The following FOCAD variants were observed in gnomAD, a reference collection of about 807,000 sequenced individuals.
The protein encoded by FOCAD is focadhesin, also known as KIAA1797.
FOCAD carries 198 observed loss-of-function variants against 225.6 expected under a neutral mutation model. The ratio of observed to expected loss-of-function variants is 0.88; its 90% CI spans 0.78 to 0.99. FOCAD has a LOEUF of 0.99. FOCAD is among the 50% of genes least tolerant of loss of function. The pLI is 0.00. For missense variants in FOCAD, 2,713 were observed against 2,123.6 expected (o/e 1.28, Z -5.46); for synonymous variants, 897 against 755.0 (o/e 1.19, Z -3.08).
At chr9:20,796,790 C>G (rs1052348646) in intron 11 of FOCAD, among the ~76,000 whole-genome samples, 7 of 151,958 alleles carry the variant, frequency 4.6e-5, no homozygotes, top group Non-Finnish European at 8.8e-5. Flanking sequence ...ATGGTAGTTT[C>G]TTTTGCTGTG....
intron 7 of FOCAD, among the ~76,000 whole-genome samples, chr9:20,768,128 A>G (rs988585264): frequency 1.3e-5 from 2 of 148,856 alleles, no homozygotes; most frequent in Non-Finnish European, 3.0e-5. Flanking sequence ...CAAAGATCAG[A>G]TAGTTGTAGA....
At chr9:20,815,123 G>GTGTGTTTTTTTTTTTTTTTTT (rs1564024181) in intron 11 of FOCAD, among the ~76,000 whole-genome samples, 1 of 85,396 alleles carries the variant, frequency 1.2e-5, no homozygotes, top group African/African-American at 4.7e-5. Context: ...ACTTCTCTTT[G>GTGTGTTTTTTTTTTTTTTTTT]TTTTTTTTTT....
chr9:20,829,486 TC>T (rs1825272119), intron 15 of FOCAD, among the ~76,000 whole-genome samples: 1 of 152,140 alleles, frequency 6.6e-6, no homozygotes, highest in Non-Finnish European at 1.5e-5. Flanking sequence ...CATTTGCATT[TC>T]CCCGATGACT....
intron 11 of FOCAD, among the ~76,000 whole-genome samples, chr9:20,807,200 T>C (rs1304956216): frequency 3.3e-5 from 5 of 152,262 alleles, no homozygotes; most frequent in Non-Finnish European, 7.3e-5. Context: ...CAATTACTTA[T>C]CTGCTACTGT....
At chr9:20,693,718 A>G (rs1823122642) in intron 1 of FOCAD, among the ~76,000 whole-genome samples, 1 of 151,974 alleles carries the variant, frequency 6.6e-6, no homozygotes, top group African/African-American at 2.4e-5. Flanking sequence ...TTATTTATTT[A>G]TTTATTTATT....
At chr9:20,873,030 A>G (rs1462648567) in intron 18 of FOCAD, among the ~76,000 whole-genome samples, 1 of 152,084 alleles carries the variant, frequency 6.6e-6, no homozygotes, top group African/African-American at 2.4e-5. Context: ...ATTTCATGGT[A>G]TGGATTTATA....
At chr9:20,969,352 T>G (rs1424406244) in intron 35 of FOCAD, among the ~76,000 whole-genome samples, 1 of 152,114 alleles carries the variant, frequency 6.6e-6, no homozygotes, top group Non-Finnish European at 1.5e-5. Flanking sequence ...AGATATTCTA[T>G]CTAGTATTGA....
intron 21 of FOCAD, among the ~76,000 whole-genome samples, chr9:20,894,318 T>C (rs1026840377): frequency 6.6e-6 from 1 of 152,172 alleles, no homozygotes; most frequent in Non-Finnish European, 1.5e-5. Flanking sequence ...TTAGCAAATA[T>C]GTATAAAACT....
chr9:20,926,306 A>G lies in FOCAD; in HGVS notation c.2967A>G (p.Gln989=), dbSNP rs1473054349. The G allele has an allele frequency of 6.3e-7, 1 of 1,595,582 alleles. No homozygotes were observed. The highest frequency in any genetic ancestry group is 8.6e-7 in the Non-Finnish European group (1 of 1,163,608). Residue 989 remains glutamine (Q), a synonymous_variant, in exon 26 of 44, where the codon CAA becomes CAG. Transcript: ENST00000338382. The part of the protein sequence containing the change: ...SSDSDGLLEV[Q]PNFLSMKEWV... The stretch of plus-strand genomic sequence containing the variant: ...TGTTTTTAATTCATCTGCAGGTTCA[A>G]CCTAATTTCCTTTCAATGAAAGAGT...
At chr9:20,700,049 A>T (rs1266731696) in intron 1 of FOCAD, among the ~76,000 whole-genome samples, 1 of 151,664 alleles carries the variant, frequency 6.6e-6, no homozygotes, top group African/African-American at 2.4e-5. Flanking sequence ...GATGATTGCA[A>T]ACGTTAACTA....
intron 1 of FOCAD, among the ~76,000 whole-genome samples, chr9:20,711,616 T>G (rs1426568544): frequency 2.0e-5 from 3 of 152,140 alleles, no homozygotes; most frequent in African/African-American, 7.2e-5. Context: ...GGAAGCCGAT[T>G]TTGTGGCTGA....
intron 5 of FOCAD, among the ~76,000 whole-genome samples, chr9:20,748,276 C>T (rs1451231703): frequency 1.3e-5 from 2 of 152,012 alleles, no homozygotes; most frequent in Admixed American, 1.3e-4. Flanking sequence ...CTGGACAGAA[C>T]ATATCATATA....
rs767780488 is a variant in FOCAD at position 20,778,752 on chromosome 9, G to T, written c.978G>T (p.Lys326Asn). 4 of 1,606,784 alleles carry T rather than the reference G, an allele frequency of 2.5e-6. No individual in the cohort carries two copies. The highest frequency in any genetic ancestry group is 3.4e-6 in the Non-Finnish European group (4 of 1,174,186). The change falls in exon 9 of 44, where the codon AAG (lysine) becomes AAT (asparagine). Residue 326 changes from lysine (K) to asparagine (N), a missense_variant. Physicochemically the swap from Lys to Asn is moderately conservative, Grantham distance 94. Coordinates refer to ENST00000338382, the MANE Select transcript of FOCAD (RefSeq NM_001375567.1). ...TACAGACTCCAGCAAGTCAGCAGAA[G>T]CCAATCTTAAATCTAGGTAAATAAA... Reference protein sequence around the residue: ...LLLQTPASQQKPILNLALKLL... With the variant: ...LLLQTPASQQNPILNLALKLL...
chr9:20,989,988 G>A (rs1416074808), intron 41 of FOCAD, 135 bp from the exon 42 acceptor site: 2 of 887,504 alleles, frequency 2.3e-6, no homozygotes, highest in Admixed American at 4.8e-5. Context: ...TCTTCTGGGT[G>A]GGGGTAGGGC....
rs1221558749 is a variant in FOCAD at position 20,953,004 on chromosome 9, C to T, written c.4071C>T (p.Tyr1357=). The T allele has an allele frequency of 1.2e-6, 2 of 1,613,636 alleles. No homozygotes were observed. Among genetic ancestry groups the T allele is most frequent in the South Asian group, 2.2e-5 (2 of 91,040 alleles). The change falls in exon 35 of 44, where the codon TAC becomes TAT. Residue 1357 remains tyrosine (Y), a synonymous_variant. Transcript: ENST00000338382. The stretch of plus-strand genomic sequence containing the variant: ...CCACAGTTCCTACTGACTATAGCTA[C>T]TTGCCTGAAAGCAGTTTTATTGGAG... ...SRASVPTDYS[Y]LPESSFIGAA...
chr9:20,741,938 T>C (rs142510697), intron 5 of FOCAD, among the ~76,000 whole-genome samples: 1 of 152,196 alleles, frequency 6.6e-6, no homozygotes, highest in African/African-American at 2.4e-5. Context: ...AAGTTTTTAA[T>C]TGAAATTTTT....
intron 28 of FOCAD, among the ~76,000 whole-genome samples, chr9:20,936,677 A>C (rs1233260536): frequency 6.6e-6 from 1 of 152,148 alleles, no homozygotes; most frequent in Non-Finnish European, 1.5e-5. Context: ...AAATACAAAA[A>C]AAACAGGGAT....
At chr9:20,990,462 G>A in intron 42 of FOCAD, 88 bp downstream of exon 42, 1 of 1,468,926 alleles carries the variant, frequency 6.8e-7, no homozygotes. Context: ...GGAGTTAAGT[G>A]CGTCTTGAAT....
At chr9:20,982,474 T>C (rs962610789) in intron 39 of FOCAD, 28 bp downstream of exon 39, 22 of 1,552,254 alleles carry the variant, frequency 1.4e-5, no homozygotes, top group Non-Finnish European at 2.0e-5. Flanking sequence ...TATACCTTTT[T>C]TCATTATTGA....
Sources: allele counts gnomAD v4.1 joint callset (sites outside exome capture counted in the v4.1 genomes callset), GRCh38; gene constraint gnomAD v4.1.1; transcripts MANE v1.5; gene names NCBI Gene and HGNC (gene_info 2026-07-23, HGNC 2026-07-21).